Variants in TRPM3 observed in about 807,000 individuals in gnomAD.
TRPM3 encodes the protein transient receptor potential cation channel subfamily M member 3, also known as long transient receptor potential channel 3.
TRPM3 carries 77 observed loss-of-function variants against 181.2 expected under a neutral mutation model. The ratio of observed to expected loss-of-function variants is 0.42; its 90% CI spans 0.35 to 0.51. The LOEUF (loss-of-function observed/expected upper bound fraction) is 0.51. Ranked by LOEUF, TRPM3 falls within the 20% of genes least tolerant of loss-of-function variation. The pLI, the probability that TRPM3 is intolerant of heterozygous loss-of-function variation, is 0.01. For missense variants in TRPM3, 1,759 were observed against 2,196.7 expected, an observed-to-expected ratio of 0.80 and a Z score of 3.98; for synonymous variants, 745 against 796.4, an observed-to-expected ratio of 0.94 and a Z score of 1.09.
intron 1 of TRPM3, among the ~76,000 whole-genome samples, chr9:71,079,675 C>T (rs1015688816): frequency 2.0e-5 from 3 of 152,172 alleles, no homozygotes; most frequent in Non-Finnish European, 4.4e-5. Flanking sequence ...GTGCAAATTG[C>T]ATCCATCTGC....
chr9:71,055,163 C>T (rs889744124), intron 1 of TRPM3, among the ~76,000 whole-genome samples: 6 of 151,940 alleles, frequency 3.9e-5, no homozygotes, highest in Non-Finnish European at 7.4e-5. Flanking sequence ...TTTGTGATTT[C>T]AAGAGGTGGT....
At chr9:70,972,597 C>G (rs894684445) in intron 1 of TRPM3, among the ~76,000 whole-genome samples, 1 of 152,160 alleles carries the variant, frequency 6.6e-6, no homozygotes, top group African/African-American at 2.4e-5. Flanking sequence ...CTAAATTATA[C>G]ACCCTAGAAA....
intron 25 of TRPM3, among the ~76,000 whole-genome samples, chr9:70,543,712 A>G (rs2044114430): frequency 6.6e-6 from 1 of 152,178 alleles, no homozygotes; most frequent in Non-Finnish European, 1.5e-5. Flanking sequence ...AAAGAATACT[A>G]GATTAAAAGA....
rs529151435 is a variant in TRPM3 at position 71,408,053 on chromosome 9, C to G, written c.183+38600G>C. 1.9e-4 allele frequency among the ~76,000 whole-genome samples: 29 copies of G among 152,242 alleles called. No homozygotes were observed. The South Asian group carries it at 5.4e-3, about 28-fold the overall frequency. Reference sequence around the variant, plus strand: ...ACTAACAAACAGAAAGGAATAGCATCAACAACAACAAAAAGGACATCCACA... The same window carrying G: ...ACTAACAAACAGAAAGGAATAGCATGAACAACAACAAAAAGGACATCCACA... On this transcript the variant is annotated intron_variant, in intron 1 of 24. Transcript: ENST00000357533.
chr9:70,833,521 C>T (rs118083515), intron 5 of TRPM3, among the ~76,000 whole-genome samples: 25 of 152,208 alleles, frequency 1.6e-4, no homozygotes, highest in African/African-American at 5.3e-4. Context: ...CAAGGATTAA[C>T]CCATTGACGG....
At chr9:70,809,188 G>A (rs2091356404) in intron 6 of TRPM3, among the ~76,000 whole-genome samples, 1 of 152,182 alleles carries the variant, frequency 6.6e-6, no homozygotes, top group Non-Finnish European at 1.5e-5. Context: ...TTTAAGCTAA[G>A]TATTATTGCA....
At chr9:70,841,074 A>G (rs1288221339) in intron 5 of TRPM3, among the ~76,000 whole-genome samples, 1 of 152,146 alleles carries the variant, frequency 6.6e-6, no homozygotes, top group Non-Finnish European at 1.5e-5. Context: ...TGCAGAAATG[A>G]TTTTGGTGCT....
At position 71,438,935 on chromosome 9, in the gene TRPM3, C is replaced by T. The variant is rs562075534; in HGVS notation, c.183+7718G>A. ...TTTTAAAAACATTCCTTCCCAAAGTCCTTGAGCTTCATGAAGAGATTAATT... is the reference window on the plus strand; with the variant it reads ...TTTTAAAAACATTCCTTCCCAAAGTTCTTGAGCTTCATGAAGAGATTAATT... On this transcript the variant is annotated intron_variant, in intron 1 of 24. Transcript: ENST00000357533. 1.1e-3 allele frequency among the ~76,000 whole-genome samples: 173 copies of T among 152,258 alleles called. 1 individual carries two copies. Among genetic ancestry groups the T allele is most frequent in the Non-Finnish European group, 2.1e-3 (140 of 68,022 alleles).
At chr9:71,039,093 A>C (rs756601302) in intron 1 of TRPM3, among the ~76,000 whole-genome samples, 1 of 152,172 alleles carries the variant, frequency 6.6e-6, no homozygotes, top group East Asian at 1.9e-4. Flanking sequence ...ATGACCTTGC[A>C]TATTAATCAC....
chr9:70,956,961 C>CTTTTTTT (rs747544684), intron 1 of TRPM3, among the ~76,000 whole-genome samples: 55 of 137,406 alleles, frequency 4.0e-4, no homozygotes, highest in East Asian at 1.5e-3. Flanking sequence ...TTCTTTCTTT[C>CTTTTTTT]TTTTTTTTTT....
intron 1 of TRPM3, among the ~76,000 whole-genome samples, chr9:71,345,605 G>T (rs1431192196): frequency 6.6e-6 from 1 of 151,974 alleles, no homozygotes; most frequent in African/African-American, 2.4e-5. Flanking sequence ...GGGGGGCAAG[G>T]GGAAGGAGAG....
chr9:71,439,701 A>C (rs971211575), intron 1 of TRPM3, among the ~76,000 whole-genome samples: 1 of 152,216 alleles, frequency 6.6e-6, no homozygotes, highest in Non-Finnish European at 1.5e-5. Flanking sequence ...ATTTCAAAAA[A>C]ATATGAAGAA....
chr9:71,282,649 A>G (rs1383999235), intron 1 of TRPM3, among the ~76,000 whole-genome samples: 3 of 152,234 alleles, frequency 2.0e-5, no homozygotes, highest in African/African-American at 7.2e-5. Context: ...AATTAATGGC[A>G]TGCTCTTTCT....
intron 1 of TRPM3, among the ~76,000 whole-genome samples, chr9:71,204,887 A>G (rs1294439186): frequency 6.6e-6 from 1 of 152,234 alleles, no homozygotes; most frequent in Non-Finnish European, 1.5e-5. Flanking sequence ...GCAGCCATTT[A>G]AAAGGATGAG....
chr9:71,314,784 A>C lies in TRPM3; in HGVS notation c.183+131869T>G, dbSNP rs549152060. Among the ~76,000 whole-genome samples the C allele has an allele frequency of 5.3e-5, 8 of 151,786 alleles. No homozygotes were observed. In the South Asian group the frequency reaches 6.3e-4, roughly 12 times the overall value. On this transcript the variant is annotated intron_variant, in intron 1 of 24. Coordinates refer to the TRPM3 transcript ENST00000357533. Reference sequence around the variant, plus strand: ...GGCTGCTTTGGGGAATCCTATAAACATGTCAGTGTCAGATTTGGAGGGACT... The same window carrying C: ...GGCTGCTTTGGGGAATCCTATAAACCTGTCAGTGTCAGATTTGGAGGGACT...
chr9:70,600,994 C>T (rs2059818029), intron 20 of TRPM3, among the ~76,000 whole-genome samples: 1 of 152,180 alleles, frequency 6.6e-6, no homozygotes, highest in Non-Finnish European at 1.5e-5. Context: ...CTCCACCTCT[C>T]GAACCAGCCC....
At position 71,282,416 on chromosome 9, in the gene TRPM3, GAAAAAGAAAGAA is replaced by G. The variant is rs1159661616; in HGVS notation, c.183+164225_183+164236del. 1.0e-4 allele frequency among the ~76,000 whole-genome samples: 10 copies of G among 98,338 alleles called. 1 individual carries two copies. Among genetic ancestry groups the G allele is most frequent in the South Asian group, 3.2e-4 (1 of 3,090 alleles). The allele number at this position is 98,338 out of a possible 152,430, so 64.5% of individuals were successfully genotyped here. A position where few individuals can be genotyped will look rare whatever the true frequency, so the allele number is the denominator to read the frequency against. ...AGAAAGAAAGGAAAAGAAAGAAAAA[GAAAAAGAAAGAA>G]AAAAAGAAAGAGAAAATTGTAACTA... On this transcript the variant is annotated intron_variant, in intron 1 of 24. Coordinates refer to the TRPM3 transcript ENST00000357533.
chr9:70,877,873 T>C (rs1189842388), intron 1 of TRPM3, among the ~76,000 whole-genome samples: 2 of 151,712 alleles, frequency 1.3e-5, no homozygotes, highest in Admixed American at 6.6e-5. Context: ...TATAACACTA[T>C]TTATGATTAT....
chr9:71,269,278 A>G (rs1234292669), intron 1 of TRPM3, among the ~76,000 whole-genome samples: 1 of 152,238 alleles, frequency 6.6e-6, no homozygotes, highest in Non-Finnish European at 1.5e-5. Flanking sequence ...TCAAACCATT[A>G]GGCCTGGAGA....
Sources: allele counts gnomAD v4.1 joint callset (sites outside exome capture counted in the v4.1 genomes callset), GRCh38; gene constraint gnomAD v4.1.1; transcripts MANE v1.5; gene names NCBI Gene and HGNC (gene_info 2026-07-23, HGNC 2026-07-21).